Variants in TGFBR3 observed in about 807,000 individuals in gnomAD.
TGFBR3 encodes transforming growth factor beta receptor 3.
A neutral mutation model predicts 87.9 loss-of-function variants in TGFBR3; 46 were observed. The observed-to-expected ratio is 0.52, with a 90% CI of 0.41 to 0.67. TGFBR3 has a LOEUF of 0.67. TGFBR3 is among the 30% of genes least tolerant of loss of function. The pLI is 0.00. For missense variants in TGFBR3, 866 were observed against 1,041.9 expected, an observed-to-expected ratio of 0.83 and a Z score of 2.32; for synonymous variants, 381 against 391.6, an observed-to-expected ratio of 0.97 and a Z score of 0.32.
intron 6 of TGFBR3, among the ~76,000 whole-genome samples, chr1:91,729,198 A>ACACCC (rs1672669834): frequency 1.0e-5 from 1 of 96,838 alleles, no homozygotes. Flanking sequence ...CACACACACC[A>ACACCC]AGCACACAAG....
intron 3 of TGFBR3, among the ~76,000 whole-genome samples, chr1:91,764,317 CA>C (rs200776741): frequency 3.5e-3 from 269 of 77,342 alleles, no homozygotes; most frequent in South Asian, 0.012. Flanking sequence ...ACAAAAGAGA[CA>C]AAAAAAAAAA....
At chr1:91,764,966 C>T (rs1394410412) in intron 3 of TGFBR3, among the ~76,000 whole-genome samples, 4 of 152,192 alleles carry the variant, frequency 2.6e-5, no homozygotes, top group Admixed American at 1.3e-4. Context: ...GTCCAACCCA[C>T]GGCCACATGC....
intron 2 of TGFBR3, among the ~76,000 whole-genome samples, chr1:91,810,122 G>A (rs933836524): frequency 1.5e-4 from 23 of 152,198 alleles, no homozygotes; most frequent in African/African-American, 5.1e-4. Context: ...ACCATGGTGC[G>A]ATCTGGGCTC....
rs556956984 is a variant in TGFBR3 at position 91,823,136 on chromosome 1, G to A, written c.62-25665C>T. On this transcript the variant is annotated intron_variant, in intron 2 of 16. Coordinates refer to ENST00000212355, the MANE Select transcript of TGFBR3 (RefSeq NM_003243.5). ...ATCATCAAGGTGTTAAGGGAGCCTG[G>A]AGGGGGAGCCTCCCTAATTCACCTC... 2.0e-4 allele frequency among the ~76,000 whole-genome samples: 30 copies of A among 152,264 alleles called. No homozygotes were observed. The East Asian group carries it at 4.1e-3, about 21-fold the overall frequency.
At chr1:91,865,801 ACTCGGGAGG>A (rs1466014628) in intron 1 of TGFBR3, among the ~76,000 whole-genome samples, 7 of 151,784 alleles carry the variant, frequency 4.6e-5, no homozygotes, top group Non-Finnish European at 2.9e-5. Context: ...AGTCCCAGCT[ACTCGGGAGG>A]CTGAGACAGA....
chr1:91,738,997 T>C (rs906440112), intron 4 of TGFBR3, among the ~76,000 whole-genome samples: 5 of 152,054 alleles, frequency 3.3e-5, no homozygotes, highest in Non-Finnish European at 5.9e-5. Flanking sequence ...ACGCAGCAAG[T>C]GTAAGGTCTG....
At position 91,729,993 on chromosome 1, in the gene TGFBR3, A is replaced by C. The variant is rs1672707399; in HGVS notation, c.569-20T>G. On this transcript the variant is annotated intron_variant, in intron 5 of 16. Coordinates refer to ENST00000212355, the MANE Select transcript of TGFBR3 (RefSeq NM_003243.5). Reference sequence around the variant, plus strand: ...CTTGATCTGAAAGAGGCACAGGACAATCTGTCAAACCACTGAGGTACTCGG... The same window carrying C: ...CTTGATCTGAAAGAGGCACAGGACACTCTGTCAAACCACTGAGGTACTCGG... 6.2e-7 allele frequency: 1 copy of C among 1,614,006 alleles called. No individual in the cohort carries two copies. Among genetic ancestry groups the C allele is most frequent in the African/African-American group, 1.3e-5 (1 of 75,034 alleles).
intron 2 of TGFBR3, among the ~76,000 whole-genome samples, chr1:91,852,174 A>G (rs1677760930): frequency 6.6e-6 from 1 of 152,134 alleles, no homozygotes; most frequent in Non-Finnish European, 1.5e-5. Context: ...GTTTGAGCCC[A>G]GGAGGCCAAG....
intron 1 of TGFBR3, among the ~76,000 whole-genome samples, chr1:91,877,534 T>C (rs1441442374): frequency 6.6e-6 from 1 of 152,188 alleles, no homozygotes; most frequent in Admixed American, 6.5e-5. Flanking sequence ...GAATTGGTTC[T>C]ACAGGAAAGC....
chr1:91,794,866 A>T (rs1675316247), intron 3 of TGFBR3, among the ~76,000 whole-genome samples: 1 of 152,244 alleles, frequency 6.6e-6, no homozygotes, highest in African/African-American at 2.4e-5. Context: ...TTGTGTGGAC[A>T]TGTGTTTTCA....
intron 4 of TGFBR3, among the ~76,000 whole-genome samples, chr1:91,740,287 G>A (rs1018708795): frequency 6.6e-6 from 1 of 151,596 alleles, no homozygotes; most frequent in Non-Finnish European, 1.5e-5. Context: ...TCAAACTCCT[G>A]ACCTCAGGTG....
intron 1 of TGFBR3, among the ~76,000 whole-genome samples, chr1:91,905,346 C>G (rs1234851067): frequency 1.3e-5 from 2 of 152,130 alleles, no homozygotes; most frequent in Middle Eastern, 3.2e-3. Context: ...ATTTAGCATG[C>G]CAAACCAATA....
At chr1:91,785,927 T>C (rs1674940751) in intron 3 of TGFBR3, among the ~76,000 whole-genome samples, 1 of 152,090 alleles carries the variant, frequency 6.6e-6, no homozygotes, top group Non-Finnish European at 1.5e-5. Context: ...CTACTATGCC[T>C]GGCTGTTTGT....
At chr1:91,695,889 A>G in intron 15 of TGFBR3, 110 bp from the exon 16 acceptor site, 1 of 908,018 alleles carries the variant, frequency 1.1e-6, no homozygotes, top group Non-Finnish European at 1.8e-6. Flanking sequence ...CACTAATAAA[A>G]TCGGAGAATG....
intron 16 of TGFBR3, among the ~76,000 whole-genome samples, chr1:91,686,067 C>G (rs1671081264): frequency 6.6e-6 from 1 of 152,186 alleles, no homozygotes. Flanking sequence ...GTTTGCTCAG[C>G]CCAACAGCAG....
chr1:91,689,452 A>G (rs1295195451), intron 16 of TGFBR3, among the ~76,000 whole-genome samples: 4 of 152,244 alleles, frequency 2.6e-5, no homozygotes, highest in Non-Finnish European at 5.9e-5. Context: ...TGCCTAGAAT[A>G]GCGTTGGCAT....
At chr1:91,797,637 C>A (rs934768687) in intron 2 of TGFBR3, among the ~76,000 whole-genome samples, 166 bp from the exon 3 acceptor site, 5 of 152,240 alleles carry the variant, frequency 3.3e-5, no homozygotes, top group African/African-American at 1.2e-4. Flanking sequence ...AAATCCCAAT[C>A]TCTTAAATTT....
At chr1:91,747,885 G>A (rs284169) in intron 4 of TGFBR3, among the ~76,000 whole-genome samples, 73,836 of 152,058 alleles carry the variant, frequency 0.49, 18,241 homozygotes, top group African/African-American at 0.57. Context: ...AGGCCTCCCT[G>A]CGGACTTTGA....
In TGFBR3 at chr1:91,683,675, G is replaced by T; in HGVS notation, c.*64C>A. On this transcript the variant is annotated 3_prime_UTR_variant, in exon 17 of 17. Transcript: ENST00000212355. ...GACACGAGGCTCAGCCATTGGTCCT[G>T]CCCTTGGCAGTAGCTGAGCTGAGCT... 2.2e-6 allele frequency: 3 copies of T among 1,362,218 alleles called. No homozygotes were observed. The highest frequency in any genetic ancestry group is 3.0e-6 in the Non-Finnish European group (3 of 992,116). The allele number at this position is 1,362,218 out of a possible 1,614,324, so 84.4% of individuals were successfully genotyped here.
Sources: allele counts gnomAD v4.1 joint callset (sites outside exome capture counted in the v4.1 genomes callset), GRCh38; gene constraint gnomAD v4.1.1; transcripts MANE v1.5; gene names NCBI Gene and HGNC (gene_info 2026-07-23, HGNC 2026-07-21).